The following PPP1R21 variants were observed in gnomAD, a reference collection of about 807,000 sequenced individuals.
The protein encoded by PPP1R21 is protein phosphatase 1 regulatory subunit 21.
A neutral mutation model predicts 112.8 loss-of-function variants in PPP1R21; 85 were observed. That is an observed-to-expected ratio of 0.75 (90% CI 0.63 to 0.90). The LOEUF is 0.90. Ranked by LOEUF, PPP1R21 falls within the 40% of genes least tolerant of loss-of-function variation. The pLI, the probability that PPP1R21 is intolerant of heterozygous loss-of-function variation, is 0.00. For synonymous variants in PPP1R21, 381 were observed against 322.3 expected, an observed-to-expected ratio of 1.18 and a Z score of -1.95; for missense variants, 1,199 against 901.5, an observed-to-expected ratio of 1.33 and a Z score of -4.23.
At chr2:48,467,864 A>T (rs1392350517) in intron 9 of PPP1R21, among the ~76,000 whole-genome samples, 1 of 152,226 alleles carries the variant, frequency 6.6e-6, no homozygotes, top group East Asian at 1.9e-4. Context: ...AATTGAGGGA[A>T]ATTGCTATAC....
intron 18 of PPP1R21, among the ~76,000 whole-genome samples, chr2:48,507,021 C>G (rs1670412374): frequency 1.3e-5 from 2 of 151,518 alleles, no homozygotes; most frequent in African/African-American, 4.9e-5. Flanking sequence ...GTGGGCTTCC[C>G]ATTACTTCAG....
At chr2:48,458,511 G>A (rs552882487) in intron 4 of PPP1R21, among the ~76,000 whole-genome samples, 64 of 151,578 alleles carry the variant, frequency 4.2e-4, no homozygotes, top group African/African-American at 1.5e-3. Flanking sequence ...TATATGGGAA[G>A]TGATTACATG....
intron 1 of PPP1R21, among the ~76,000 whole-genome samples, chr2:48,448,130 TATC>T (rs1667328990): frequency 6.6e-6 from 1 of 152,160 alleles, no homozygotes; most frequent in African/African-American, 2.4e-5. Context: ...TATGCAAGCT[TATC>T]ATCTTCCTCC....
At chr2:48,485,541 T>C (rs1209037512) in intron 13 of PPP1R21, among the ~76,000 whole-genome samples, 2 of 152,108 alleles carry the variant, frequency 1.3e-5, no homozygotes, top group Admixed American at 1.3e-4. Flanking sequence ...AGTCTAAAAC[T>C]ATCCTAAATC....
At chr2:48,484,965 C>T (rs1669212341) in intron 13 of PPP1R21, among the ~76,000 whole-genome samples, 1 of 152,116 alleles carries the variant, frequency 6.6e-6, no homozygotes, top group Non-Finnish European at 1.5e-5. Context: ...TATATACTTC[C>T]AGTGAAATAT....
chr2:48,510,895 A>G (rs1670607874), intron 20 of PPP1R21, among the ~76,000 whole-genome samples: 1 of 152,230 alleles, frequency 6.6e-6, no homozygotes, highest in South Asian at 2.1e-4. Context: ...TTGCAAAGAA[A>G]TTATGAATCT....
At position 48,510,010 on chromosome 2, in the gene PPP1R21, T is replaced by C. The variant is rs755217368; in HGVS notation, c.2086-5T>C. The stretch of plus-strand genomic sequence containing the variant: ...CTAGTAATGGAATGTTTTCTGATTT[T>C]ACAGTGCCGAGCACTGTCTAAAAGA... On this transcript the variant is annotated splice_polypyrimidine_tract_variant and splice_region_variant and intron_variant, in intron 19 of 21. Transcript: ENST00000294952. 1.1e-5 allele frequency: 18 copies of C among 1,584,644 alleles called. No individual in the cohort carries two copies. Among genetic ancestry groups the C allele is most frequent in the Non-Finnish European group, 1.5e-5 (17 of 1,165,028 alleles).
At chr2:48,450,592 A>G (rs1667428670) in intron 1 of PPP1R21, among the ~76,000 whole-genome samples, 1 of 152,184 alleles carries the variant, frequency 6.6e-6, no homozygotes, top group African/African-American at 2.4e-5. Flanking sequence ...TTCTTACTTT[A>G]TAATTAGTCC....
chr2:48,446,319 C>CA (rs1572823808), intron 1 of PPP1R21, among the ~76,000 whole-genome samples: 1 of 152,124 alleles, frequency 6.6e-6, no homozygotes, highest in East Asian at 1.9e-4. Flanking sequence ...GTGAGCTTAC[C>CA]AGCACTCTGT....
chr2:48,442,183 AGTT>A (rs1667059600), intron 1 of PPP1R21, among the ~76,000 whole-genome samples: 1 of 152,214 alleles, frequency 6.6e-6, no homozygotes, highest in Non-Finnish European at 1.5e-5. Flanking sequence ...AAGGGCCAGA[AGTT>A]GTTTGGAACA....
chr2:48,459,685 C>G (rs1667889610), intron 4 of PPP1R21, 69 bp from the exon 5 acceptor site: 13 of 1,525,424 alleles, frequency 8.5e-6, no homozygotes, highest in East Asian at 2.3e-5. Flanking sequence ...TGAATAGTCA[C>G]TGCTGTTATT....
intron 13 of PPP1R21, among the ~76,000 whole-genome samples, chr2:48,480,648 G>GT (rs558109109): frequency 6.6e-5 from 10 of 151,990 alleles, no homozygotes; most frequent in South Asian, 2.1e-4. Flanking sequence ...TTGCTTCTAG[G>GT]TTTTTTTTCC....
intron 16 of PPP1R21, among the ~76,000 whole-genome samples, chr2:48,496,783 G>T (rs1669863628): frequency 6.6e-6 from 1 of 152,166 alleles, no homozygotes; most frequent in South Asian, 2.1e-4. Context: ...GTTGGATTTA[G>T]GTCCAGTCAC....
chr2:48,471,314 C>T lies in PPP1R21; in HGVS notation c.1035C>T (p.His345=), dbSNP rs778751630. ...TGAAATTGAAAACTTTTTCAGAACA[C>T]TTAACCTCCTACATATGTTTTCTTA... The part of the protein sequence containing the change: ...TTVKLKTFSE[H]LTSYICFLRK... Residue 345 remains histidine (H), a synonymous_variant, in exon 11 of 22, where the codon CAC becomes CAT. Transcript: ENST00000294952. The T allele has an allele frequency of 6.2e-7, 1 of 1,611,630 alleles. No individual in the cohort carries two copies. The highest frequency in any genetic ancestry group is 8.5e-7 in the Non-Finnish European group (1 of 1,179,198).
chr2:48,494,234 T>C (rs1466149312), intron 15 of PPP1R21, among the ~76,000 whole-genome samples: 1 of 60,662 alleles, frequency 1.6e-5, no homozygotes, highest in Non-Finnish European at 2.7e-5. Flanking sequence ...AGTGAGACCT[T>C]GTCTCAAAAA....
chr2:48,508,223 A>G (rs1057019227), intron 19 of PPP1R21, among the ~76,000 whole-genome samples: 13 of 152,248 alleles, frequency 8.5e-5, no homozygotes, highest in Non-Finnish European at 5.9e-5. Flanking sequence ...ATGCTGCTCA[A>G]CATAAAAGAA....
At chr2:48,456,711 G>T (rs1329524425) in intron 3 of PPP1R21, among the ~76,000 whole-genome samples, 1 of 152,192 alleles carries the variant, frequency 6.6e-6, no homozygotes, top group African/African-American at 2.4e-5. Context: ...AGGCAACAGA[G>T]AGGGTATAAC....
At chr2:48,479,655 A>C in intron 12 of PPP1R21, 1 of 616,754 alleles carries the variant, frequency 1.6e-6, no homozygotes, top group Non-Finnish European at 3.0e-6. Context: ...TTCGTTTTAC[A>C]AAGAATCATG....
In PPP1R21 at chr2:48,490,911, C is replaced by T. The variant is rs986397569; in HGVS notation, c.1447-107C>T. 2.3e-5 allele frequency: 21 copies of T among 927,822 alleles called. No homozygotes were observed. The African/African-American group carries it at 2.5e-4, about 11-fold the overall frequency. The allele number at this position is 927,822 out of a possible 1,614,324, so 57.5% of individuals were successfully genotyped here. A position where few individuals can be genotyped will look rare whatever the true frequency, so the allele number is the denominator to read the frequency against. On this transcript the variant is annotated intron_variant, in intron 14 of 21. Coordinates refer to ENST00000294952, the MANE Select transcript of PPP1R21 (RefSeq NM_001135629.3). ...GGGGCAGGTGTTGAAATTTCATTTC[C>T]ATTTCCATTCTCAACATCTTTAAAC... is the stretch of plus-strand genomic sequence containing the variant.
Sources: gnomAD v4.1 joint callset for allele counts (sites outside exome capture counted in the v4.1 genomes callset) on GRCh38, gnomAD v4.1.1 for gene constraint, MANE v1.5 for transcripts, NCBI Gene and HGNC (gene_info 2026-07-23, HGNC 2026-07-21) for gene names.